Variants in SBF2 observed in about 807,000 individuals in gnomAD.
The protein encoded by SBF2 is SET binding factor 2, also known as myotubularin-related protein 13.
In SBF2, 112 loss-of-function variants were observed where a neutral mutation model predicts 225.2. The ratio of observed to expected loss-of-function variants is 0.50; its 90% confidence interval spans 0.43 to 0.58. The LOEUF is 0.58. Ranked by LOEUF, SBF2 falls within the 20% of genes least tolerant of loss-of-function variation. The pLI, the probability that SBF2 is intolerant of heterozygous loss-of-function variation, is 0.00. For synonymous variants in SBF2, 763 were observed against 773.3 expected (o/e 0.99, Z 0.22); for missense variants, 1,996 against 2,206.2 (o/e 0.90, Z 1.91).
intron 2 of SBF2, among the ~76,000 whole-genome samples, chr11:10,095,269 G>C (rs1382662046): frequency 6.6e-6 from 1 of 152,060 alleles, no homozygotes; most frequent in Non-Finnish European, 1.5e-5. Flanking sequence ...TCAAGTTATT[G>C]TAAACATTTA....
chr11:10,291,655 TAA>T (rs1964163592), intron 1 of SBF2, among the ~76,000 whole-genome samples: 1 of 99,042 alleles, frequency 1.0e-5, no homozygotes, highest in South Asian at 4.1e-4. Context: ...TATAATCCAC[TAA>T]ACACACACAC....
chr11:9,970,397 G>C (rs1441141573), intron 13 of SBF2, among the ~76,000 whole-genome samples: 1 of 151,964 alleles, frequency 6.6e-6, no homozygotes, highest in Admixed American at 6.6e-5. Context: ...AGTAGAGACA[G>C]GGTTTCACTG....
At chr11:10,038,091 T>C (rs1949516074) in intron 3 of SBF2, among the ~76,000 whole-genome samples, 2 of 152,020 alleles carry the variant, frequency 1.3e-5, no homozygotes, top group Non-Finnish European at 2.9e-5. Context: ...TTCTGGAGTA[T>C]TGGTTTTGTT....
chr11:10,078,825 C>T (rs1217243252), intron 2 of SBF2, among the ~76,000 whole-genome samples: 2 of 152,108 alleles, frequency 1.3e-5, no homozygotes, highest in African/African-American at 4.8e-5. Context: ...GAAGAACAGA[C>T]AAGCTCTGTG....
At chr11:10,242,580 A>C (rs536536717) in intron 1 of SBF2, among the ~76,000 whole-genome samples, 1 of 152,260 alleles carries the variant, frequency 6.6e-6, no homozygotes, top group South Asian at 2.1e-4. Context: ...ATCCAACTGT[A>C]TGCTGTCTGC....
At chr11:10,146,948 A>G (rs1298177635) in intron 2 of SBF2, among the ~76,000 whole-genome samples, 1 of 152,104 alleles carries the variant, frequency 6.6e-6, no homozygotes. Context: ...GTGGCCAATG[A>G]CCATATGAAA....
At chr11:9,834,468 C>T (rs76789970) in intron 26 of SBF2, among the ~76,000 whole-genome samples, 11,990 of 152,226 alleles carry the variant, frequency 0.079, 552 homozygotes, top group East Asian at 0.15. Flanking sequence ...TATCCCTTAT[C>T]TTGATAAGAA....
At chr11:10,165,995 C>G (rs927614412) in intron 2 of SBF2, among the ~76,000 whole-genome samples, 2 of 152,014 alleles carry the variant, frequency 1.3e-5, no homozygotes, top group Non-Finnish European at 2.9e-5. Context: ...TCAATGAAGG[C>G]GAGTATACAT....
intron 17 of SBF2, among the ~76,000 whole-genome samples, chr11:9,892,655 G>C (rs1860930220): frequency 6.6e-6 from 1 of 151,770 alleles, no homozygotes; most frequent in Admixed American, 6.6e-5. Flanking sequence ...CGCCTCCAAG[G>C]TTCAAGCAAT....
chr11:9,945,658 C>A (rs186316308), intron 16 of SBF2, among the ~76,000 whole-genome samples: 38 of 152,102 alleles, frequency 2.5e-4, no homozygotes, highest in South Asian at 1.0e-3. Context: ...AACAGACAAC[C>A]TAAAGAATGG....
rs1964613768 is a variant in SBF2, at chr11:10,303,171, G to T, written n.386+1321C>A. ...GCGTTCAGTAATAGCTGCTGTCTGC[G>T]GTGCAGACGGACTAGTCGCCCGGCC... On this transcript the variant is annotated intron_variant and non_coding_transcript_variant, in intron 1 of 5. Transcript: ENST00000685217. The surrounding 1 kb of genome is among the most constrained non-coding windows in gnomAD (Gnocchi z 5.2). 1 of 152,246 alleles carries T rather than the reference G, an allele frequency of 6.6e-6. No individual in the cohort carries two copies. The allele number at this position is 152,246 out of a possible 1,614,324, so 9.4% of individuals were successfully genotyped here.
chr11:10,267,033 G>A (rs1360287222), intron 1 of SBF2, among the ~76,000 whole-genome samples: 1 of 152,186 alleles, frequency 6.6e-6, no homozygotes. Context: ...GGATGAAGTT[G>A]CAATGGGCCG....
chr11:10,149,174 G>A (rs768663642), intron 2 of SBF2: 1 of 152,224 alleles, frequency 6.6e-6, no homozygotes, highest in Non-Finnish European at 1.5e-5. Flanking sequence ...TTTTCCCAAT[G>A]TCTCATCTCT....
intron 2 of SBF2, among the ~76,000 whole-genome samples, chr11:10,054,070 G>A (rs544417926): frequency 6.6e-6 from 1 of 152,096 alleles, no homozygotes; most frequent in Admixed American, 6.6e-5. Context: ...AGCAGCTTTT[G>A]ATAAAGTATA....
At chr11:10,079,653 T>C (rs1026721972) in intron 2 of SBF2, among the ~76,000 whole-genome samples, 5 of 152,138 alleles carry the variant, frequency 3.3e-5, no homozygotes, top group African/African-American at 4.8e-5. Flanking sequence ...ATAAAAAAGT[T>C]TGGACACCTG....
intron 1 of SBF2, among the ~76,000 whole-genome samples, chr11:10,276,512 A>G (rs891793881): frequency 5.9e-5 from 9 of 152,192 alleles, no homozygotes; most frequent in African/African-American, 2.2e-4. Context: ...ACTGTTTATC[A>G]ATTCAGTGCC....
chr11:10,290,802 A>G (rs547290693), intron 1 of SBF2, among the ~76,000 whole-genome samples: 1 of 152,340 alleles, frequency 6.6e-6, no homozygotes, highest in Admixed American at 6.5e-5. Context: ...ATATAAATGC[A>G]TATGTATGTT....
At chr11:10,270,251 T>C (rs970861675) in intron 1 of SBF2, among the ~76,000 whole-genome samples, 3 of 152,154 alleles carry the variant, frequency 2.0e-5, no homozygotes, top group African/African-American at 7.2e-5. Flanking sequence ...ATATAACTTA[T>C]GACTCCCCAA....
intron 1 of SBF2, among the ~76,000 whole-genome samples, chr11:10,301,288 G>A (rs770629064): frequency 9.9e-5 from 15 of 152,128 alleles, no homozygotes; most frequent in Admixed American, 2.6e-4. Context: ...ATCGGTTTAT[G>A]TACATGTTCA....
Sources: gnomAD v4.1 joint callset for allele counts (sites outside exome capture counted in the v4.1 genomes callset) on GRCh38, gnomAD v4.1.1 for gene constraint, Gnocchi (gnomAD v3.1) non-coding constraint, MANE v1.5 for transcripts, NCBI Gene and HGNC (gene_info 2026-07-23, HGNC 2026-07-21) for gene names.